SLC24A2: variants seen among roughly 807,000 people sequenced by gnomAD.
SLC24A2 encodes the protein solute carrier family 24 member 2.
Under a neutral mutation model 62.0 loss-of-function variants are expected in SLC24A2, and 36 were observed. That is an observed-to-expected ratio of 0.58 (90% CI 0.44 to 0.77). The LOEUF is 0.77. Ranked by LOEUF, SLC24A2 falls within the 30% of genes least tolerant of loss-of-function variation. SLC24A2 has a pLI of 0.00. For synonymous variants in SLC24A2, 358 were observed against 294.0 expected, an observed-to-expected ratio of 1.22 and a Z score of -2.23; for missense variants, 846 against 817.9, an observed-to-expected ratio of 1.03 and a Z score of -0.42.
At chr9:19,613,769 A>T (rs1366490126) in intron 4 of SLC24A2, among the ~76,000 whole-genome samples, 1 of 152,190 alleles carries the variant, frequency 6.6e-6, no homozygotes, top group African/African-American at 2.4e-5. Context: ...TGGGTTGGAC[A>T]TGGGGTTACA....
At chr9:20,186,071 T>C in the SLC24A2 span, among the ~76,000 whole-genome samples, 1 of 152,124 alleles carries the variant, frequency 6.6e-6, no homozygotes, top group Non-Finnish European at 1.5e-5. Context: ...GGTGCCATGA[T>C]GAGGCTTCCT....
chr9:20,019,696 G>A, the SLC24A2 span, among the ~76,000 whole-genome samples: 1 of 152,080 alleles, frequency 6.6e-6, no homozygotes, highest in Non-Finnish European at 1.5e-5. Flanking sequence ...GAAAGAAATG[G>A]CAACAAAAGC....
At chr9:20,261,524 C>T in the SLC24A2 span, among the ~76,000 whole-genome samples, 9 of 152,168 alleles carry the variant, frequency 5.9e-5, no homozygotes, top group Non-Finnish European at 1.3e-4. Flanking sequence ...TTCATGAGGG[C>T]GCCGCCCTCA....
At chr9:19,702,342 T>A (rs112874662) in intron 2 of SLC24A2, among the ~76,000 whole-genome samples, 5 of 152,204 alleles carry the variant, frequency 3.3e-5, no homozygotes, top group African/African-American at 7.2e-5. Context: ...CTTCTCCCAG[T>A]TGGAACTGAT....
chr9:19,846,358 C>T, the SLC24A2 span, among the ~76,000 whole-genome samples: 13 of 151,860 alleles, frequency 8.6e-5, no homozygotes, highest in Non-Finnish European at 4.4e-5. Flanking sequence ...TTTCTTTGTC[C>T]TTTTTTACTA....
the SLC24A2 span, among the ~76,000 whole-genome samples, chr9:20,021,607 C>T: frequency 1.3e-5 from 2 of 151,936 alleles, no homozygotes; most frequent in South Asian, 2.1e-4. Context: ...GTACCAAAGA[C>T]GTTTTCAAGC....
chr9:19,770,470 C>G (rs1822652167), intron 2 of SLC24A2, among the ~76,000 whole-genome samples: 1 of 152,092 alleles, frequency 6.6e-6, no homozygotes, highest in Non-Finnish European at 1.5e-5. Flanking sequence ...TAAAAATGTG[C>G]TTGAAATCAT....
chr9:19,908,957 T>C, the SLC24A2 span, among the ~76,000 whole-genome samples: 3 of 152,166 alleles, frequency 2.0e-5, no homozygotes, highest in Non-Finnish European at 4.4e-5. Flanking sequence ...AGGAATACCA[T>C]GTGACCCAGC....
At position 19,786,589 on chromosome 9, in the gene SLC24A2, T is replaced by C. The variant is rs61745274; in HGVS notation, c.278A>G (p.Lys93Arg). 1.8e-4 allele frequency: 296 copies of C among 1,614,216 alleles called. 1 individual carries two copies. In the African/African-American group the frequency reaches 3.7e-3, roughly 20 times the overall value. Residue 93 changes from lysine to arginine, a missense_variant, in exon 2 of 11, where the codon AAG (lysine) becomes AGG (arginine). Coordinates refer to ENST00000341998, the MANE Select transcript of SLC24A2 (RefSeq NM_020344.4). The surrounding 1 kb of genome is among the most constrained non-coding windows in gnomAD (Gnocchi z 5.0). ...HQRTLLDLND[K>R]ILDYTPQPPL... ...TGGCTGTGGAGTATAATCCAGAATC[T>C]TGTCATTTAAATCTAAGAGAGTTCT...
At chr9:20,024,459 G>A in the SLC24A2 span, among the ~76,000 whole-genome samples, 8 of 152,208 alleles carry the variant, frequency 5.3e-5, no homozygotes, top group African/African-American at 2.4e-5. Context: ...CCTTCAGCAA[G>A]TAGGTTACTA....
chr9:19,815,762 G>A, the SLC24A2 span, among the ~76,000 whole-genome samples: 3 of 152,088 alleles, frequency 2.0e-5, no homozygotes, highest in African/African-American at 7.2e-5. Context: ...AGGCTCTTTT[G>A]TATCCCTAAG....
At chr9:19,535,772 G>A (rs796564091) in intron 8 of SLC24A2, among the ~76,000 whole-genome samples, 11 of 152,296 alleles carry the variant, frequency 7.2e-5, no homozygotes, top group African/African-American at 1.4e-4. Flanking sequence ...TTGGAGTCAG[G>A]TAGTGTGATG....
chr9:20,156,331 CA>C, the SLC24A2 span, among the ~76,000 whole-genome samples: 1 of 151,752 alleles, frequency 6.6e-6, no homozygotes, highest in Non-Finnish European at 1.5e-5. Context: ...AGCAGATATT[CA>C]AGGCCTTGGG....
chr9:19,833,641 C>T, the SLC24A2 span, among the ~76,000 whole-genome samples: 2 of 152,348 alleles, frequency 1.3e-5, no homozygotes, highest in South Asian at 4.1e-4. Context: ...GTAGGCTCCA[C>T]CTCTGGGGGC....
chr9:20,219,430 A>T, the SLC24A2 span, among the ~76,000 whole-genome samples: 6 of 152,202 alleles, frequency 3.9e-5, no homozygotes, highest in Non-Finnish European at 8.8e-5. Flanking sequence ...GCTGAATTGT[A>T]CTTCTACAGC....
chr9:20,074,402 C>G, the SLC24A2 span, among the ~76,000 whole-genome samples: 2 of 151,914 alleles, frequency 1.3e-5, no homozygotes, highest in Non-Finnish European at 2.9e-5. Flanking sequence ...AGGCTCACAT[C>G]CTTGCCACTT....
chr9:19,528,193 C>T (rs1156387322), intron 8 of SLC24A2, 55 bp from the exon 9 acceptor site: 3 of 1,181,876 alleles, frequency 2.5e-6, no homozygotes, highest in South Asian at 2.6e-5. Flanking sequence ...TGAGACTGAT[C>T]TGGAAATCCA....
chr9:19,656,317 T>G (rs1032532598), intron 2 of SLC24A2, among the ~76,000 whole-genome samples: 1 of 152,230 alleles, frequency 6.6e-6, no homozygotes, highest in African/African-American at 2.4e-5. Flanking sequence ...TATGTGTGGT[T>G]AATTCTGTTA....
chr9:19,530,279 A>C (rs1833640374), intron 8 of SLC24A2, among the ~76,000 whole-genome samples: 1 of 152,088 alleles, frequency 6.6e-6, no homozygotes, highest in Admixed American at 6.6e-5. Flanking sequence ...TGTTACAGGA[A>C]AGAGAAGAAC....
Sources: allele counts gnomAD v4.1 joint callset (sites outside exome capture counted in the v4.1 genomes callset), GRCh38; gene constraint gnomAD v4.1.1; non-coding constraint Gnocchi (gnomAD v3.1); transcripts MANE v1.5; gene names NCBI Gene and HGNC (gene_info 2026-07-23, HGNC 2026-07-21).